The following EFCAB13 variants were observed in gnomAD, a reference collection of about 807,000 sequenced individuals.
EFCAB13 encodes EF-hand calcium-binding domain-containing protein 13.
A neutral mutation model predicts 110.2 loss-of-function variants in EFCAB13; 91 were observed. That is an observed-to-expected ratio of 0.83 (90% confidence interval 0.70 to 0.98). The LOEUF (loss-of-function observed/expected upper bound fraction) is 0.98. EFCAB13 is among the 50% of genes least tolerant of loss of function. The pLI is 0.00. For missense variants in EFCAB13, 968 were observed against 1,119.4 expected (o/e 0.86, Z 1.93); for synonymous variants, 323 against 369.9 (o/e 0.87, Z 1.45).
intron 23 of EFCAB13, 120 bp downstream of exon 23, chr17:47,415,039 A>C (rs1309255226): frequency 8.0e-6 from 5 of 628,340 alleles, no homozygotes; most frequent in African/African-American, 1.9e-5. Flanking sequence ...CATAGACACC[A>C]TGGAATACTA....
At chr17:47,395,110 A>G (rs2065729915) in intron 16 of EFCAB13, among the ~76,000 whole-genome samples, 1 of 152,014 alleles carries the variant, frequency 6.6e-6, no homozygotes, top group South Asian at 2.1e-4. Flanking sequence ...TCTTATCTAT[A>G]TATACCTAAT....
At chr17:47,353,693 T>C (rs990388917) in intron 9 of EFCAB13, among the ~76,000 whole-genome samples, 17 of 152,354 alleles carry the variant, frequency 1.1e-4, no homozygotes, top group African/African-American at 4.1e-4. Context: ...TCAATACTTA[T>C]TTACTCATTT....
chr17:47,337,760 TTG>T (rs1567780667), intron 5 of EFCAB13, among the ~76,000 whole-genome samples: 2 of 152,062 alleles, frequency 1.3e-5, no homozygotes, highest in African/African-American at 4.8e-5. Flanking sequence ...AGGAGATGGG[TTG>T]ATTACAAAAG....
At position 47,430,957 on chromosome 17, in the gene EFCAB13, C is replaced by T. The variant is rs536785488; in HGVS notation, c.2638+996C>T. Among the ~76,000 whole-genome samples the T allele has an allele frequency of 3.3e-5, 5 of 152,058 alleles. No homozygotes were observed. The East Asian group carries it at 7.7e-4, about 23-fold the overall frequency. On this transcript the variant is annotated intron_variant, in intron 24 of 24. Coordinates refer to ENST00000331493, the MANE Select transcript of EFCAB13 (RefSeq NM_152347.5). ...GTGATTACTATATGCTGACTTATTA[C>T]AATTCTTTTATTTTTAATTTTTATG...
intron 10 of EFCAB13, among the ~76,000 whole-genome samples, chr17:47,369,106 A>G (rs1270716097): frequency 6.6e-6 from 1 of 152,222 alleles, no homozygotes; most frequent in African/African-American, 2.4e-5. Flanking sequence ...GAAAAATGGT[A>G]TATGAACCTG....
At chr17:47,409,079 T>C (rs1338228146) in intron 20 of EFCAB13, among the ~76,000 whole-genome samples, 1 of 152,220 alleles carries the variant, frequency 6.6e-6, no homozygotes, top group African/African-American at 2.4e-5. Flanking sequence ...TGAGTTATTC[T>C]AAACTGTTCT....
chr17:47,410,302 T>G (rs2065827750), intron 21 of EFCAB13, among the ~76,000 whole-genome samples: 1 of 152,146 alleles, frequency 6.6e-6, no homozygotes, highest in African/African-American at 2.4e-5. Flanking sequence ...AAGCCCACTC[T>G]TGCAATAACT....
At chr17:47,437,993 T>C (rs1310972087) in intron 24 of EFCAB13, among the ~76,000 whole-genome samples, 1 of 152,218 alleles carries the variant, frequency 6.6e-6, no homozygotes, top group African/African-American at 2.4e-5. Context: ...TGAATTCTCT[T>C]AGCATTCATT....
intron 23 of EFCAB13, chr17:47,423,399 A>G (rs1904790629): frequency 6.1e-6 from 1 of 164,268 alleles, no homozygotes; most frequent in African/African-American, 2.4e-5. Context: ...GTTTAAAAAT[A>G]AAAAAGTTGA....
intron 10 of EFCAB13, among the ~76,000 whole-genome samples, chr17:47,363,033 G>A (rs1040514395): frequency 6.6e-6 from 1 of 152,068 alleles, no homozygotes; most frequent in African/African-American, 2.4e-5. Context: ...TCCGCACACG[G>A]GGAGAAAACC....
chr17:47,350,973 G>T (rs2065446390), intron 9 of EFCAB13, among the ~76,000 whole-genome samples: 2 of 152,030 alleles, frequency 1.3e-5, no homozygotes, highest in South Asian at 4.1e-4. Context: ...AAGATATATT[G>T]CATCCTGGTA....
chr17:47,358,291 T>G (rs1319377575), intron 9 of EFCAB13, among the ~76,000 whole-genome samples: 2 of 152,110 alleles, frequency 1.3e-5, no homozygotes, highest in East Asian at 3.8e-4. Context: ...AGATCAAGCA[T>G]ACAGTTAGAA....
At position 47,379,167 on chromosome 17, in the gene EFCAB13, T is replaced by C. The variant is rs113855450; in HGVS notation, c.1511-15T>C. The C allele has an allele frequency of 3.8e-4, 607 of 1,608,496 alleles. No homozygotes were observed. The highest frequency in any genetic ancestry group is 4.8e-4 in the Non-Finnish European group (561 of 1,175,462). On this transcript the variant is annotated splice_polypyrimidine_tract_variant and intron_variant, in intron 13 of 24. Coordinates refer to ENST00000331493, the MANE Select transcript of EFCAB13 (RefSeq NM_152347.5). ...ATACACCAGAATGTATAATCTAAAC[T>C]CTTTTTAAAAACAGAGAATGGAATG...
At chr17:47,402,929 C>G (rs948770109) in intron 18 of EFCAB13, among the ~76,000 whole-genome samples, 1 of 152,190 alleles carries the variant, frequency 6.6e-6, no homozygotes, top group African/African-American at 2.4e-5. Context: ...ATTCTGCTTC[C>G]TGGTCTTACA....
chr17:47,374,937 C>T lies in EFCAB13; in HGVS notation c.1343C>T (p.Ser448Phe), dbSNP rs554788706. ...TCCAGTCTCCAAAAACAGGTTTCGT[C>T]TACGGAAAAAACTGCAATTAGTACT... ...KHSSLQKQVS[S>F]TEKTAISTLE... is the part of the protein sequence containing the mutation. The change falls in exon 12 of 25, where the codon TCT becomes TTT. Residue 448 changes from serine to phenylalanine, a missense_variant. By Grantham distance (155) the Ser-to-Phe change is radical. Coordinates refer to ENST00000331493, the MANE Select transcript of EFCAB13 (RefSeq NM_152347.5). 150 of 1,583,392 alleles carry T rather than the reference C, an allele frequency of 9.5e-5. 1 individual carries two copies. The South Asian group carries it at 1.1e-3, about 12-fold the overall frequency.
chr17:47,437,536 G>T (rs139531285), intron 24 of EFCAB13, among the ~76,000 whole-genome samples: 3,437 of 152,232 alleles, frequency 0.023, 107 homozygotes, highest in East Asian at 0.18. Flanking sequence ...TCTTTTAACT[G>T]CTGTTGCTTT....
At chr17:47,412,389 A>G (rs541751742) in intron 21 of EFCAB13, among the ~76,000 whole-genome samples, 29 of 152,234 alleles carry the variant, frequency 1.9e-4, no homozygotes, top group Non-Finnish European at 4.1e-4. Context: ...AGTATGAACT[A>G]TCTGAGGCCC....
chr17:47,387,642 T>TAAG (rs1567795383), intron 14 of EFCAB13, among the ~76,000 whole-genome samples: 1 of 143,234 alleles, frequency 7.0e-6, no homozygotes, highest in Non-Finnish European at 1.6e-5. Context: ...CACACATTGC[T>TAAG]GTCTTATTAA....
At chr17:47,363,016 T>G (rs1246694554) in intron 10 of EFCAB13, among the ~76,000 whole-genome samples, 2 of 152,162 alleles carry the variant, frequency 1.3e-5, no homozygotes, top group Non-Finnish European at 2.9e-5. Flanking sequence ...TTCTACACTC[T>G]CTCGTCTCCG....
Sources: allele counts gnomAD v4.1 joint callset (sites outside exome capture counted in the v4.1 genomes callset), GRCh38; gene constraint gnomAD v4.1.1; transcripts MANE v1.5; gene names NCBI Gene and HGNC (gene_info 2026-07-23, HGNC 2026-07-21).